The following ADARB2 variants were observed in gnomAD, a reference collection of about 807,000 sequenced individuals.
ADARB2 encodes adenosine deaminase RNA specific B2 (inactive).
ADARB2 carries 25 observed loss-of-function variants against 62.2 expected under a neutral mutation model. The ratio of observed to expected loss-of-function variants is 0.40; its 90% CI spans 0.29 to 0.56. The LOEUF is 0.56. ADARB2 is among the 20% of genes least tolerant of loss of function. The pLI is 0.43. For synonymous variants in ADARB2, 572 were observed against 500.8 expected (o/e 1.14, Z -1.90); for missense variants, 1,071 against 1,077.4 (o/e 0.99, Z 0.08).
intron 1 of ADARB2, among the ~76,000 whole-genome samples, chr10:1,724,115 G>C (rs1159892330): frequency 6.6e-6 from 1 of 152,128 alleles, no homozygotes; most frequent in Non-Finnish European, 1.5e-5. Context: ...TTGAAGATGG[G>C]GTCTTTAAAG....
intron 4 of ADARB2, among the ~76,000 whole-genome samples, chr10:1,268,412 G>A (rs1315439111): frequency 6.6e-6 from 1 of 152,284 alleles, no homozygotes. Flanking sequence ...TAATGGCTAA[G>A]AAATGGTCTC....
chr10:1,383,752 A>T (rs1329549455), intron 1 of ADARB2, among the ~76,000 whole-genome samples: 1 of 152,248 alleles, frequency 6.6e-6, no homozygotes, highest in Non-Finnish European at 1.5e-5. Flanking sequence ...AAGTTAGCGG[A>T]TGTGCCCAGG....
intron 3 of ADARB2, among the ~76,000 whole-genome samples, chr10:1,327,841 T>A (rs1388122918): frequency 1.8e-4 from 7 of 39,106 alleles, no homozygotes; most frequent in Non-Finnish European, 3.8e-4. Flanking sequence ...ACCTCACAGC[T>A]CAGTGCCTCC....
chr10:1,729,847 G>A (rs1231593581), intron 1 of ADARB2, among the ~76,000 whole-genome samples: 1 of 152,208 alleles, frequency 6.6e-6, no homozygotes, highest in Non-Finnish European at 1.5e-5. Flanking sequence ...TACCACCTTT[G>A]AGAAGACGTA....
chr10:1,675,116 G>A (rs116488199), intron 1 of ADARB2: 67,104 of 958,264 alleles, frequency 0.07, 3,240 homozygotes, highest in Middle Eastern at 0.085. Context: ...TTTGGGTTGC[G>A]GGGTACATGG....
At chr10:1,221,572 C>A (rs1371056741) in intron 6 of ADARB2, among the ~76,000 whole-genome samples, 1 of 151,630 alleles carries the variant, frequency 6.6e-6, no homozygotes, top group East Asian at 1.9e-4. Flanking sequence ...CCCCCCTCAC[C>A]CCACCCCACC....
rs149910421 is a variant in ADARB2 at position 1,644,365 on chromosome 10, A to G, written c.100+92686T>C. On this transcript the variant is annotated intron_variant, in intron 1 of 9. Coordinates refer to ENST00000381312, the MANE Select transcript of ADARB2 (RefSeq NM_018702.4). ...GGCGTCTTTCTTACAGAAGAAAATT[A>G]TTCACTTGCTTGTATGTTACATGCA... 5.8e-3 allele frequency among the ~76,000 whole-genome samples: 887 copies of G among 152,364 alleles called. 3 individuals carry two copies. The highest frequency in any genetic ancestry group is 0.031 in the Middle Eastern group (9 of 294).
At chr10:1,558,731 T>C (rs1380094990) in intron 1 of ADARB2, among the ~76,000 whole-genome samples, 2 of 129,952 alleles carry the variant, frequency 1.5e-5, no homozygotes, top group Non-Finnish European at 3.4e-5. Flanking sequence ...CCCCGCATGC[T>C]CCATCTAAAC....
At chr10:1,269,651 G>T (rs1285423237) in intron 4 of ADARB2, among the ~76,000 whole-genome samples, 1 of 152,124 alleles carries the variant, frequency 6.6e-6, no homozygotes, top group Non-Finnish European at 1.5e-5. Context: ...TCTGTGCTAG[G>T]ATGATGCTCT....
intron 1 of ADARB2, among the ~76,000 whole-genome samples, chr10:1,489,133 A>T (rs1831589067): frequency 6.6e-6 from 1 of 152,234 alleles, no homozygotes; most frequent in Non-Finnish European, 1.5e-5. Flanking sequence ...CAATTTGCTC[A>T]TTTCTTGGCC....
intron 1 of ADARB2, among the ~76,000 whole-genome samples, chr10:1,663,336 C>T (rs146974522): frequency 2.0e-5 from 3 of 152,134 alleles, no homozygotes; most frequent in Non-Finnish European, 4.4e-5. Flanking sequence ...CTGCGTGGTG[C>T]GGCTCTGAGA....
intron 1 of ADARB2, among the ~76,000 whole-genome samples, chr10:1,625,913 G>A (rs1053900655): frequency 1.5e-5 from 1 of 67,896 alleles, no homozygotes. Flanking sequence ...CTGACCCTGC[G>A]CTCTCTCCTG....
At chr10:1,306,460 A>G (rs1831630179) in intron 3 of ADARB2, among the ~76,000 whole-genome samples, 1 of 152,128 alleles carries the variant, frequency 6.6e-6, no homozygotes. Flanking sequence ...GGAAGAATCA[A>G]TATCGTGAAA....
At chr10:1,372,494 G>T (rs1289513875) in intron 2 of ADARB2, among the ~76,000 whole-genome samples, 1 of 152,016 alleles carries the variant, frequency 6.6e-6, no homozygotes, top group East Asian at 1.9e-4. Flanking sequence ...GTTTTGAAAT[G>T]ACCTATCAAA....
In ADARB2 at chr10:1,233,781, G is replaced by A. The variant is rs141751719; in HGVS notation, c.1426C>T (p.Arg476Ter). The A allele has an allele frequency of 6.2e-7, 1 of 1,613,756 alleles. No individual in the cohort carries two copies. The highest frequency in any genetic ancestry group is 8.5e-7 in the Non-Finnish European group (1 of 1,179,934). The change falls in exon 6 of 10, where the codon CGA (arginine) becomes TGA (stop). Residue 476 changes from arginine (R) to a stop codon, truncating the protein, a stop_gained. Transcript: ENST00000381312. LOFTEE classifies it high-confidence loss of function. ...TAGAGATGGAAGAGGATGTTCTCTC[G>A]CAGCCGGTAGCCACCTTCTTTTAAC... is the stretch of plus-strand genomic sequence containing the variant. ...VRLKEGGYRLRENILFHLYVS... is the reference protein window; with the variant it reads ...VRLKEGGYRL
At chr10:1,555,733 G>C (rs769560533) in intron 1 of ADARB2, among the ~76,000 whole-genome samples, 1 of 152,182 alleles carries the variant, frequency 6.6e-6, no homozygotes, top group Admixed American at 6.5e-5. Flanking sequence ...TCAGGAGTTC[G>C]AGATCAGCCT....
chr10:1,581,015 G>C (rs1833090656), intron 1 of ADARB2, among the ~76,000 whole-genome samples: 1 of 152,222 alleles, frequency 6.6e-6, no homozygotes, highest in Non-Finnish European at 1.5e-5. Context: ...TCTGAATAAA[G>C]CCGCTATAAG....
chr10:1,511,140 G>T (rs922066289), intron 1 of ADARB2, among the ~76,000 whole-genome samples: 1 of 152,134 alleles, frequency 6.6e-6, no homozygotes, highest in African/African-American at 2.4e-5. Context: ...ACCGGGCCTG[G>T]CTCCTGTTCT....
At chr10:1,345,287 A>C (rs1487477957) in intron 3 of ADARB2, among the ~76,000 whole-genome samples, 1 of 152,118 alleles carries the variant, frequency 6.6e-6, no homozygotes, top group Non-Finnish European at 1.5e-5. Flanking sequence ...CTGACCTTAG[A>C]GGTGCTCAGA....
Sources: gnomAD v4.1 joint callset for allele counts (sites outside exome capture counted in the v4.1 genomes callset) on GRCh38, gnomAD v4.1.1 for gene constraint, MANE v1.5 for transcripts, NCBI Gene and HGNC (gene_info 2026-07-23, HGNC 2026-07-21) for gene names.